Variants in CADM2 observed in about 807,000 individuals in gnomAD.
CADM2 encodes immunoglobulin superfamily member 4D.
Under a neutral mutation model 49.8 loss-of-function variants are expected in CADM2, and 12 were observed. The ratio of observed to expected loss-of-function variants is 0.24; its 90% CI spans 0.15 to 0.39. CADM2 has a LOEUF of 0.39. Ranked by LOEUF, CADM2 falls within the 10% of genes least tolerant of loss-of-function variation. CADM2 has a pLI of 1.00. For synonymous variants in CADM2, 214 were observed against 175.4 expected (o/e 1.22, Z -1.74); for missense variants, 378 against 492.3 (o/e 0.77, Z 2.20).
At chr3:85,312,895 G>A (rs2044380866) in intron 1 of CADM2, among the ~76,000 whole-genome samples, 1 of 152,104 alleles carries the variant, frequency 6.6e-6, no homozygotes. Flanking sequence ...TATGTATTAA[G>A]AATTAATTTA....
chr3:85,824,565 A>G (rs1365904221), intron 3 of CADM2, among the ~76,000 whole-genome samples: 1 of 152,134 alleles, frequency 6.6e-6, no homozygotes, highest in East Asian at 1.9e-4. Context: ...CAGAGAACCA[A>G]GTGTGCAATC....
At chr3:85,873,439 G>C (rs550575066) in intron 3 of CADM2, among the ~76,000 whole-genome samples, 1 of 152,124 alleles carries the variant, frequency 6.6e-6, no homozygotes, top group African/African-American at 2.4e-5. Context: ...GCCAAGGCAG[G>C]CAGATCACTT....
chr3:86,055,211 T>C (rs182699805), intron 8 of CADM2, among the ~76,000 whole-genome samples: 1 of 152,282 alleles, frequency 6.6e-6, no homozygotes, highest in African/African-American at 2.4e-5. Context: ...AGATATGACA[T>C]ATGCATATGT....
intron 1 of CADM2, among the ~76,000 whole-genome samples, chr3:85,423,094 T>A (rs898556306): frequency 2.0e-5 from 3 of 151,826 alleles, no homozygotes; most frequent in Non-Finnish European, 2.9e-5. Context: ...GGGGATGGAG[T>A]GGGAAAATGA....
chr3:85,388,976 G>A (rs949300669), intron 1 of CADM2, among the ~76,000 whole-genome samples: 4 of 152,110 alleles, frequency 2.6e-5, no homozygotes, highest in African/African-American at 9.7e-5. Flanking sequence ...TTGGATAAAT[G>A]GAAATTCCGA....
At position 85,817,452 on chromosome 3, in the gene CADM2, G is replaced by T. The variant is rs950913219; in HGVS notation, c.238+15256G>T. The stretch of plus-strand genomic sequence containing the variant: ...AAAACTGCACTCAGTGAGATTGAAT[G>T]GGCTATCTCTAAATAGTGAATTTTG... On this transcript the variant is annotated intron_variant, in intron 3 of 9. Coordinates refer to ENST00000383699, the MANE Select transcript of CADM2 (RefSeq NM_001167675.2). 4.2e-5 allele frequency among the ~76,000 whole-genome samples: 6 copies of T among 141,320 alleles called. No individual in the cohort carries two copies. The South Asian group carries it at 1.2e-3, about 29-fold the overall frequency. 92.7% of individuals were successfully genotyped at this position (141,320 alleles called of 152,430 possible).
At chr3:85,779,928 C>G (rs183763087) in intron 2 of CADM2, among the ~76,000 whole-genome samples, 273 of 152,092 alleles carry the variant, frequency 1.8e-3, no homozygotes, top group African/African-American at 5.8e-3. Context: ...GGCAGGCTCA[C>G]AATGATTGAA....
intron 1 of CADM2, among the ~76,000 whole-genome samples, chr3:85,094,221 T>C (rs929280800): frequency 1.3e-5 from 2 of 152,128 alleles, no homozygotes; most frequent in African/African-American, 4.8e-5. Flanking sequence ...AACTATTTTA[T>C]AAATAAATTC....
At chr3:86,008,402 TAA>T (rs138859905) in intron 8 of CADM2, among the ~76,000 whole-genome samples, 1,632 of 152,180 alleles carry the variant, frequency 0.011, 23 homozygotes, top group Middle Eastern at 0.068. Flanking sequence ...TGAAAAAATA[TAA>T]GTCAGTTTAG....
At chr3:85,107,095 C>T (rs1470954457) in intron 1 of CADM2, among the ~76,000 whole-genome samples, 2 of 152,094 alleles carry the variant, frequency 1.3e-5, no homozygotes, top group Non-Finnish European at 2.9e-5. Flanking sequence ...CACCATCTAT[C>T]GCTGTCCCAT....
At chr3:85,097,152 C>G (rs1238800595) in intron 1 of CADM2, among the ~76,000 whole-genome samples, 2 of 152,142 alleles carry the variant, frequency 1.3e-5, no homozygotes, top group Non-Finnish European at 2.9e-5. Context: ...CTTCCCCCTC[C>G]CCACACCCCA....
At chr3:86,050,636 G>A (rs574743288) in intron 8 of CADM2, among the ~76,000 whole-genome samples, 1 of 152,310 alleles carries the variant, frequency 6.6e-6, no homozygotes, top group East Asian at 1.9e-4. Context: ...CTAGATGAAA[G>A]CTCCCAAGCC....
chr3:85,658,664 T>A (rs1043113701), intron 1 of CADM2, among the ~76,000 whole-genome samples: 1 of 147,084 alleles, frequency 6.8e-6, no homozygotes, highest in Non-Finnish European at 1.5e-5. Flanking sequence ...TTGATTAACA[T>A]CTTTCTGAAA....
chr3:85,765,492 A>G (rs1257606778), intron 2 of CADM2, among the ~76,000 whole-genome samples: 1 of 152,120 alleles, frequency 6.6e-6, no homozygotes, highest in African/African-American at 2.4e-5. Flanking sequence ...AATCTATCAT[A>G]TATGTCATCT....
intron 1 of CADM2, among the ~76,000 whole-genome samples, chr3:85,177,801 A>G (rs946522843): frequency 5.3e-5 from 8 of 152,088 alleles, no homozygotes; most frequent in East Asian, 3.9e-4. Flanking sequence ...GTATCATGCC[A>G]TATCTTCTAA....
chr3:85,435,840 T>C (rs1207783178), intron 1 of CADM2, among the ~76,000 whole-genome samples: 1 of 152,042 alleles, frequency 6.6e-6, no homozygotes, highest in Non-Finnish European at 1.5e-5. Context: ...TGTTCGCTTC[T>C]CTTTTTCACC....
intron 1 of CADM2, among the ~76,000 whole-genome samples, chr3:85,541,768 T>A (rs1174802861): frequency 1.8e-3 from 110 of 60,938 alleles, no homozygotes; most frequent in Middle Eastern, 7.5e-3. Flanking sequence ...TATATATATT[T>A]TATATTTTAT....
chr3:86,042,365 A>C (rs1736059998), intron 8 of CADM2, among the ~76,000 whole-genome samples: 1 of 152,192 alleles, frequency 6.6e-6, no homozygotes, highest in African/African-American at 2.4e-5. Flanking sequence ...GAGAAGAATC[A>C]AATAGATGCA....
At chr3:85,530,765 T>A (rs2061288295) in intron 1 of CADM2, among the ~76,000 whole-genome samples, 1 of 152,194 alleles carries the variant, frequency 6.6e-6, no homozygotes, top group Middle Eastern at 3.4e-3. Context: ...AGAAGGCACC[T>A]AATACATTCT....
Sources: gnomAD v4.1 joint callset for allele counts (sites outside exome capture counted in the v4.1 genomes callset) on GRCh38, gnomAD v4.1.1 for gene constraint, MANE v1.5 for transcripts, NCBI Gene and HGNC (gene_info 2026-07-23, HGNC 2026-07-21) for gene names.